The following ADAM22 variants were observed in gnomAD, a reference collection of about 807,000 sequenced individuals.
The protein encoded by ADAM22 is disintegrin and metalloproteinase domain-containing protein 22.
In ADAM22, 65 loss-of-function variants were observed where a neutral mutation model predicts 144.6. The observed-to-expected ratio is 0.45, with a 90% CI of 0.37 to 0.55. The LOEUF (loss-of-function observed/expected upper bound fraction) is 0.55. ADAM22 is among the 20% of genes least tolerant of loss of function. The pLI, the probability that ADAM22 is intolerant of heterozygous loss-of-function variation, is 0.00. For synonymous variants in ADAM22, 391 were observed against 412.6 expected, an observed-to-expected ratio of 0.95 and a Z score of 0.63; for missense variants, 974 against 1,184.9, an observed-to-expected ratio of 0.82 and a Z score of 2.61.
chr7:88,154,723 A>C (rs919356373), intron 21 of ADAM22, among the ~76,000 whole-genome samples: 2 of 152,180 alleles, frequency 1.3e-5, no homozygotes, highest in Non-Finnish European at 2.9e-5. Context: ...TTTTGAATGA[A>C]TATCTCTTCT....
chr7:87,961,529 A>G (rs1232643471), intron 2 of ADAM22, among the ~76,000 whole-genome samples: 1 of 152,234 alleles, frequency 6.6e-6, no homozygotes, highest in Non-Finnish European at 1.5e-5. Context: ...TTTGCAAGAC[A>G]GTATTACTTC....
intron 29 of ADAM22, 93 bp downstream of exon 29, chr7:88,182,117 C>T (rs1358013432): frequency 2.7e-6 from 3 of 1,129,964 alleles, no homozygotes; most frequent in Admixed American, 4.8e-5. Flanking sequence ...GAACTGTAAA[C>T]CATGTCTCCG....
intron 28 of ADAM22, 135 bp downstream of exon 28, chr7:88,181,740 G>T: frequency 1.2e-6 from 1 of 848,770 alleles, no homozygotes. Flanking sequence ...TGTAGAATGA[G>T]AGCCTAGTTT....
chr7:87,967,243 T>C (rs777358756), intron 2 of ADAM22, among the ~76,000 whole-genome samples: 5 of 152,188 alleles, frequency 3.3e-5, no homozygotes, highest in African/African-American at 7.2e-5. Flanking sequence ...ATACAAGTTA[T>C]AAATTTTTTC....
At chr7:88,022,922 A>G (rs1313267659) in intron 3 of ADAM22, among the ~76,000 whole-genome samples, 1 of 152,230 alleles carries the variant, frequency 6.6e-6, no homozygotes, top group African/African-American at 2.4e-5. Flanking sequence ...CAAACTATTG[A>G]AACTATTAGT....
chr7:88,114,711 C>G, intron 6 of ADAM22, 64 bp downstream of exon 6: 2 of 1,462,686 alleles, frequency 1.4e-6, no homozygotes, highest in Non-Finnish European at 1.9e-6. Flanking sequence ...TTTTTCCTCT[C>G]CTTTTTTTAT....
At chr7:88,008,693 T>C (rs893737261) in intron 3 of ADAM22, among the ~76,000 whole-genome samples, 1 of 151,594 alleles carries the variant, frequency 6.6e-6, no homozygotes, top group Non-Finnish European at 1.5e-5. Flanking sequence ...AGATGGGAAT[T>C]GAACAATGAG....
At chr7:88,060,543 G>C (rs1469680493) in intron 3 of ADAM22, among the ~76,000 whole-genome samples, 1 of 151,938 alleles carries the variant, frequency 6.6e-6, no homozygotes, top group Non-Finnish European at 1.5e-5. Context: ...GGCCGAGGTG[G>C]GTGGATTACG....
At chr7:87,963,463 A>T (rs1356078211) in intron 2 of ADAM22, among the ~76,000 whole-genome samples, 2 of 152,234 alleles carry the variant, frequency 1.3e-5, no homozygotes, top group Non-Finnish European at 2.9e-5. Context: ...ATTATAAAAT[A>T]TAGAAAGAAT....
chr7:88,052,242 A>G (rs1463871669), intron 3 of ADAM22, among the ~76,000 whole-genome samples: 2 of 151,916 alleles, frequency 1.3e-5, no homozygotes, highest in Non-Finnish European at 2.9e-5. Flanking sequence ...TCACGCCTGT[A>G]ATCCCAGCAC....
rs1021648615 is a variant in ADAM22 at position 87,935,137 on chromosome 7, G to A, written c.197G>A (p.Arg66Gln). The change falls in exon 2 of 32, where the codon CGG becomes CAG. Residue 66 changes from arginine (R) to glutamine (Q), a missense_variant. Around this residue, in one of 2 missense-constraint regions of ADAM22, gnomAD observed 240 missense variants for 234.3 expected, o/e 1.02. Transcript: ENST00000413139. ...CGCTCGGGCGGCGAAGACGAAAGTC[G>A]GCACGACGCGCTCGACACGCGGGTG... ...IYRSGGEDES[R>Q]HDALDTRVRG... 2 of 1,613,208 alleles carry A rather than the reference G, an allele frequency of 1.2e-6. No individual in the cohort carries two copies. Among genetic ancestry groups the A allele is most frequent in the African/African-American group, 1.3e-5 (1 of 75,038 alleles).
intron 4 of ADAM22, among the ~76,000 whole-genome samples, chr7:88,104,062 A>G (rs1041627711): frequency 6.6e-6 from 1 of 152,150 alleles, no homozygotes; most frequent in Non-Finnish European, 1.5e-5. Context: ...GCAGGAATAT[A>G]TGAAAGGATG....
chr7:88,109,094 G>C (rs11768853), intron 5 of ADAM22, among the ~76,000 whole-genome samples: 1 of 151,864 alleles, frequency 6.6e-6, no homozygotes, highest in Non-Finnish European at 1.5e-5. Flanking sequence ...GGAAACGCCT[G>C]ACTCCTTACA....
chr7:87,963,305 G>T (rs1848373700), intron 2 of ADAM22, among the ~76,000 whole-genome samples: 1 of 152,104 alleles, frequency 6.6e-6, no homozygotes, highest in Non-Finnish European at 1.5e-5. Flanking sequence ...AAACCCAGTG[G>T]GGGAAGTTCG....
chr7:88,069,020 G>T (rs538939625), intron 3 of ADAM22, among the ~76,000 whole-genome samples: 21 of 152,160 alleles, frequency 1.4e-4, no homozygotes, highest in African/African-American at 5.1e-4. Flanking sequence ...ATGAGGGCTG[G>T]CTGCACTCAC....
intron 3 of ADAM22, among the ~76,000 whole-genome samples, chr7:88,072,259 G>C (rs1025844672): frequency 6.6e-6 from 1 of 152,088 alleles, no homozygotes; most frequent in African/African-American, 2.4e-5. Context: ...CCTGAGCAGA[G>C]GGCTTTTCTT....
intron 3 of ADAM22, among the ~76,000 whole-genome samples, chr7:88,023,300 C>A (rs959878332): frequency 1.3e-5 from 2 of 151,954 alleles, no homozygotes; most frequent in African/African-American, 4.8e-5. Flanking sequence ...TGTATATATT[C>A]AAGGATTATA....
At chr7:88,170,791 A>C (rs1463193321) in intron 25 of ADAM22, among the ~76,000 whole-genome samples, 2 of 151,950 alleles carry the variant, frequency 1.3e-5, no homozygotes, top group East Asian at 1.9e-4. Context: ...ATTAACACTT[A>C]ATTATGTCAA....
At chr7:88,124,715 G>A (rs1284865907) in intron 7 of ADAM22, among the ~76,000 whole-genome samples, 1 of 151,884 alleles carries the variant, frequency 6.6e-6, no homozygotes, top group Non-Finnish European at 1.5e-5. Flanking sequence ...CCAGGCCATA[G>A]CATTCTGAAA....
Sources: allele counts gnomAD v4.1 joint callset (sites outside exome capture counted in the v4.1 genomes callset), GRCh38; gene constraint gnomAD v4.1.1; regional missense constraint gnomAD v4.1.1; transcripts MANE v1.5; gene names NCBI Gene and HGNC (gene_info 2026-07-23, HGNC 2026-07-21).